Variants in WWC2 observed in about 807,000 individuals in gnomAD.
The protein encoded by WWC2 is WW and C2 domain containing 2.
WWC2 carries 101 observed loss-of-function variants against 138.5 expected under a neutral mutation model. The ratio of observed to expected loss-of-function variants is 0.73; its 90% confidence interval spans 0.62 to 0.86. WWC2 has a LOEUF of 0.86. WWC2 is among the 40% of genes least tolerant of loss of function. The pLI is 0.00. For synonymous variants in WWC2, 558 were observed against 538.4 expected (o/e 1.04, Z -0.50); for missense variants, 1,420 against 1,419.4 (o/e 1.00, Z -0.01).
intron 14 of WWC2, among the ~76,000 whole-genome samples, chr4:183,267,873 A>G (rs1459416072): frequency 1.3e-5 from 2 of 152,224 alleles, no homozygotes; most frequent in Non-Finnish European, 2.9e-5. Context: ...GCTAAACATG[A>G]CAGCTAGTAT....
chr4:183,269,575 T>G (rs1478023506), intron 15 of WWC2: 1 of 463,254 alleles, frequency 2.2e-6, no homozygotes, highest in East Asian at 7.0e-5. Context: ...GATTATCCAC[T>G]ATTTTCAGAT....
intron 1 of WWC2, among the ~76,000 whole-genome samples, chr4:183,120,855 TCTC>T (rs1348801376): frequency 2.6e-5 from 4 of 152,156 alleles, no homozygotes; most frequent in African/African-American, 7.2e-5. Flanking sequence ...CTCAGGCAGT[TCTC>T]CTGCATTGGC....
chr4:183,154,164 G>C (rs771686742), intron 1 of WWC2, among the ~76,000 whole-genome samples: 1 of 152,104 alleles, frequency 6.6e-6, no homozygotes, highest in Non-Finnish European at 1.5e-5. Context: ...TTGTGTTTTT[G>C]TAGTAGTTGA....
intron 4 of WWC2, among the ~76,000 whole-genome samples, chr4:183,231,432 G>A (rs186452862): frequency 9.2e-5 from 14 of 151,464 alleles, no homozygotes; most frequent in Admixed American, 7.9e-4. Context: ...ACCACACTCA[G>A]CTAATTTTTG....
chr4:183,267,473 A>G (rs1219002980), intron 14 of WWC2, among the ~76,000 whole-genome samples: 1 of 152,220 alleles, frequency 6.6e-6, no homozygotes, highest in East Asian at 1.9e-4. Context: ...AAAGCAAATC[A>G]TGGAGAAGAC....
At chr4:183,291,069 G>A (rs950273778) in intron 21 of WWC2, among the ~76,000 whole-genome samples, 1 of 152,244 alleles carries the variant, frequency 6.6e-6, no homozygotes, top group Non-Finnish European at 1.5e-5. Flanking sequence ...TTTGCTCAGT[G>A]TGGAGTTTAA....
chr4:183,275,345 T>C (rs1010084562), intron 16 of WWC2, among the ~76,000 whole-genome samples: 1 of 152,152 alleles, frequency 6.6e-6, no homozygotes, highest in Non-Finnish European at 1.5e-5. Context: ...CCAGACAATA[T>C]TGAAAGAAAT....
At chr4:183,208,788 T>C (rs562484140) in intron 3 of WWC2, among the ~76,000 whole-genome samples, 161 bp from the exon 4 acceptor site, 14 of 152,312 alleles carry the variant, frequency 9.2e-5, no homozygotes, top group Middle Eastern at 3.4e-3. Context: ...GGTTTGAAGA[T>C]AACTTTTTAT....
chr4:183,243,650 T>G (rs886872314), intron 5 of WWC2, among the ~76,000 whole-genome samples: 2 of 152,142 alleles, frequency 1.3e-5, no homozygotes, highest in African/African-American at 4.8e-5. Context: ...ATTTGGGGTA[T>G]AAATTTGCAT....
At chr4:183,191,623 G>T (rs1030899498) in intron 1 of WWC2, among the ~76,000 whole-genome samples, 3 of 152,180 alleles carry the variant, frequency 2.0e-5, no homozygotes, top group African/African-American at 7.2e-5. Flanking sequence ...CCGCACTTTA[G>T]TGTGGAGCAG....
intron 1 of WWC2, among the ~76,000 whole-genome samples, chr4:183,183,898 A>G (rs1360088033): frequency 6.6e-6 from 1 of 152,026 alleles, no homozygotes; most frequent in Non-Finnish European, 1.5e-5. Flanking sequence ...ACATTTTCCC[A>G]TGTTTTTACT....
intron 5 of WWC2, among the ~76,000 whole-genome samples, chr4:183,244,437 T>C (rs1321788868): frequency 6.6e-6 from 1 of 152,146 alleles, no homozygotes; most frequent in Non-Finnish European, 1.5e-5. Context: ...AATTAGCTCA[T>C]TGAAGAGCTG....
chr4:183,153,841 C>T (rs185160978), intron 1 of WWC2, among the ~76,000 whole-genome samples: 1 of 151,434 alleles, frequency 6.6e-6, no homozygotes, highest in Non-Finnish European at 1.5e-5. Context: ...GATGGGGTTT[C>T]ACCATGTCCC....
At chr4:183,238,185 G>A (rs1221338800) in intron 4 of WWC2, among the ~76,000 whole-genome samples, 3 of 152,086 alleles carry the variant, frequency 2.0e-5, no homozygotes, top group African/African-American at 7.2e-5. Context: ...TCCACATTTG[G>A]TCCTGTTCTC....
chr4:183,207,554 G>C (rs529847883), intron 2 of WWC2, among the ~76,000 whole-genome samples: 2 of 152,284 alleles, frequency 1.3e-5, no homozygotes, highest in South Asian at 4.1e-4. Flanking sequence ...GACCAACTTT[G>C]ATTAGTGCTG....
intron 1 of WWC2, among the ~76,000 whole-genome samples, chr4:183,173,623 G>A (rs1008590897): frequency 2.0e-5 from 3 of 151,748 alleles, no homozygotes; most frequent in Non-Finnish European, 4.4e-5. Context: ...ATTGCAAGCA[G>A]AAGTGATGTG....
At chr4:183,169,195 A>G (rs1299327262) in intron 1 of WWC2, among the ~76,000 whole-genome samples, 2 of 152,270 alleles carry the variant, frequency 1.3e-5, no homozygotes, top group African/African-American at 2.4e-5. Flanking sequence ...AAGTTGTAAA[A>G]TCAACAGAAT....
rs893363169 is a variant in WWC2 at position 183,269,011 on chromosome 4, A to G, written c.2248A>G (p.Ser750Gly). The change falls in exon 15 of 23, where the codon AGC (serine) becomes GGC (glycine). Residue 750 changes from serine to glycine, a missense_variant. Coordinates refer to ENST00000403733, the MANE Select transcript of WWC2 (RefSeq NM_024949.6). ...VAVLPSSTDV[S>G]CLFRTKVHPP... ...CGTTCTTCCTTCCTCAACTGATGTC[A>G]GCTGTCTGTTTCGCACAAAAGTTCA... is the stretch of plus-strand genomic sequence containing the variant. The G allele has an allele frequency of 3.7e-6, 6 of 1,613,882 alleles. No homozygotes were observed. The highest frequency in any genetic ancestry group is 3.3e-5 in the Admixed American group (2 of 60,008).
intron 5 of WWC2, among the ~76,000 whole-genome samples, chr4:183,244,671 C>T (rs1012875230): frequency 2.0e-5 from 3 of 151,852 alleles, no homozygotes; most frequent in Non-Finnish European, 4.4e-5. Context: ...ACTTATTAAC[C>T]ATTTATTAAA....
Sources: gnomAD v4.1 joint callset for allele counts (sites outside exome capture counted in the v4.1 genomes callset) on GRCh38, gnomAD v4.1.1 for gene constraint, MANE v1.5 for transcripts, NCBI Gene and HGNC (gene_info 2026-07-23, HGNC 2026-07-21) for gene names.